POLN: variants seen among roughly 807,000 people sequenced by gnomAD.
POLN encodes DNA polymerase nu.
A neutral mutation model predicts 113.5 loss-of-function variants in POLN; 108 were observed. The ratio of observed to expected loss-of-function variants is 0.95; its 90% confidence interval spans 0.81 to 1.12. The LOEUF (loss-of-function observed/expected upper bound fraction) is 1.12, where lower values mean the gene tolerates loss of function less well. POLN is among the 50% of genes most tolerant of loss of function. POLN has a pLI of 0.00. For missense variants in POLN, 1,097 were observed against 1,077.1 expected, an observed-to-expected ratio of 1.02 and a Z score of -0.26; for synonymous variants, 386 against 391.5, an observed-to-expected ratio of 0.99 and a Z score of 0.17.
chr4:2,193,772 T>C (rs1733511752), intron 6 of POLN, among the ~76,000 whole-genome samples: 1 of 152,218 alleles, frequency 6.6e-6, no homozygotes, highest in African/African-American at 2.4e-5. Flanking sequence ...ACTGTATTCT[T>C]GACTACAATT....
intron 7 of POLN, among the ~76,000 whole-genome samples, chr4:2,185,566 T>C (rs1055451948): frequency 3.3e-5 from 5 of 152,108 alleles, no homozygotes; most frequent in African/African-American, 1.2e-4. Context: ...GCCAACATGG[T>C]GAAACCCCTC....
intron 17 of POLN, among the ~76,000 whole-genome samples, chr4:2,129,812 C>T (rs377238762): frequency 6.6e-6 from 1 of 152,132 alleles, no homozygotes; most frequent in Non-Finnish European, 1.5e-5. Context: ...ACGTTGACAA[C>T]CAAATGCATT....
chr4:2,189,281 A>C (rs1393245566), intron 7 of POLN, among the ~76,000 whole-genome samples: 2 of 152,236 alleles, frequency 1.3e-5, no homozygotes, highest in Admixed American at 6.5e-5. Context: ...CTAGAAACCC[A>C]CTTTACTTAT....
intron 7 of POLN, among the ~76,000 whole-genome samples, chr4:2,190,073 T>C (rs1413588864): frequency 6.7e-6 from 1 of 148,254 alleles, no homozygotes; most frequent in African/African-American, 2.5e-5. Flanking sequence ...AAAATCTGTA[T>C]GGAACCAAAC....
chr4:2,126,594 C>T lies in POLN; in HGVS notation c.1982+1519G>A, dbSNP rs364228. On this transcript the variant is annotated intron_variant, in intron 19 of 25. Transcript: ENST00000511885. This position sits in a 1 kb window ranked among gnomAD's most constrained non-coding sequence, Gnocchi z 4.6. ...GAGAGGAGCGGAGACCAGAGAGAAG[C>T]GGAGACCAGAGAGGAGTGGAGACCA... is the stretch of plus-strand genomic sequence containing the variant. Among the ~76,000 whole-genome samples the T allele has an allele frequency of 1.3e-5, 2 of 151,698 alleles. No individual in the cohort carries two copies. The highest frequency in any genetic ancestry group is 2.1e-4 in the South Asian group (1 of 4,794).
chr4:2,139,092 T>C (rs1263335616), intron 16 of POLN, among the ~76,000 whole-genome samples: 1 of 151,252 alleles, frequency 6.6e-6, no homozygotes, highest in Admixed American at 6.6e-5. Context: ...CCACAACAAA[T>C]GGGCAGAGGG....
intron 4 of POLN, among the ~76,000 whole-genome samples, chr4:2,210,627 TAATAAA>T (rs200288199): frequency 0.1 from 11,469 of 109,986 alleles, 632 homozygotes; most frequent in African/African-American, 0.22. Flanking sequence ...ATAATAATAA[TAATAAA>T]AAAAAGAGGC....
rs746291995 is a variant in POLN, at chr4:2,157,811, C to A, written c.1665+47G>T. 1.1e-5 allele frequency: 15 copies of A among 1,328,882 alleles called. No individual in the cohort carries two copies. In the African/African-American group the frequency reaches 2.3e-4, roughly 20 times the overall value. The allele number at this position is 1,328,882 out of a possible 1,614,324, so 82.3% of individuals were successfully genotyped here. On this transcript the variant is annotated intron_variant, in intron 15 of 25. Transcript: ENST00000511885. Reference sequence around the variant, plus strand: ...GGTTCTATATGTATCTGAACTCATACAAAAACCACAGTCCTAATCACAGTA... The same window carrying A: ...GGTTCTATATGTATCTGAACTCATAAAAAAACCACAGTCCTAATCACAGTA...
chr4:2,094,075 G>A (rs934618789), intron 20 of POLN, among the ~76,000 whole-genome samples: 3 of 152,246 alleles, frequency 2.0e-5, no homozygotes, highest in Admixed American at 1.3e-4. Context: ...AGCCAGGTGC[G>A]GTGGCTCATG....
rs1325463155 is a variant in POLN at position 2,159,113 on chromosome 4, C to T, written c.1611+42G>A. ...CAGACACAGGGCCATATGGTTCCCC[C>T]TCATCACCTTTTACCTTTTACGTAC... On this transcript the variant is annotated intron_variant, in intron 14 of 25. Coordinates refer to ENST00000511885, the MANE Select transcript of POLN (RefSeq NM_181808.4). 6 of 1,438,956 alleles carry T rather than the reference C, an allele frequency of 4.2e-6. No individual in the cohort carries two copies. The South Asian group carries it at 4.6e-5, about 11-fold the overall frequency. The allele number at this position is 1,438,956 out of a possible 1,614,324, so 89.1% of individuals were successfully genotyped here.
At chr4:2,096,686 AAGAGAGAGAGAGAGAGAGAG>A (rs750844060) in intron 19 of POLN, among the ~76,000 whole-genome samples, 13 of 129,894 alleles carry the variant, frequency 1.0e-4, no homozygotes, top group South Asian at 5.7e-4. Context: ...AGCCGAGAGA[AAGAGAGAGAGAGAGAGAGAG>A]AGAGAGAGAG....
intron 2 of POLN, chr4:2,238,601 T>C: frequency 2.6e-6 from 4 of 1,546,878 alleles, no homozygotes; most frequent in Non-Finnish European, 2.6e-6. Context: ...GAAGCATACG[T>C]ACCTATGAGT....
At chr4:2,230,590 A>G (rs1390780733) in intron 2 of POLN, 2 of 152,070 alleles carry the variant, frequency 1.3e-5, no homozygotes, top group Admixed American at 1.3e-4. Context: ...TAATTGGCAA[A>G]ATATTTTTGT....
intron 7 of POLN, among the ~76,000 whole-genome samples, chr4:2,185,518 G>A (rs1733248799): frequency 6.6e-6 from 1 of 152,198 alleles, no homozygotes; most frequent in African/African-American, 2.4e-5. Flanking sequence ...GGCCGAGGCA[G>A]GCAGATTACT....
chr4:2,084,258 T>G (rs1483276764), intron 21 of POLN, among the ~76,000 whole-genome samples: 2 of 152,256 alleles, frequency 1.3e-5, no homozygotes, highest in Non-Finnish European at 2.9e-5. Flanking sequence ...GAGTGTCACG[T>G]ATGGTCTGGG....
intron 19 of POLN, among the ~76,000 whole-genome samples, chr4:2,110,139 C>A (rs892711675): frequency 5.3e-5 from 8 of 152,214 alleles, no homozygotes; most frequent in Admixed American, 2.0e-4. Flanking sequence ...CTGAATGACT[C>A]CTGGGTACAT....
intron 16 of POLN, among the ~76,000 whole-genome samples, chr4:2,142,823 T>C (rs1732036321): frequency 6.6e-6 from 1 of 152,102 alleles, no homozygotes; most frequent in Non-Finnish European, 1.5e-5. Flanking sequence ...TTGTGGTTTT[T>C]TTTTAATCCC....
At chr4:2,238,673 G>A in intron 2 of POLN, 2 of 1,613,142 alleles carry the variant, frequency 1.2e-6, no homozygotes, top group Non-Finnish European at 1.7e-6. Flanking sequence ...TGATGGATCT[G>A]TTAACATTTC....
chr4:2,227,504 C>T (rs1734428169), intron 3 of POLN: 1 of 152,144 alleles, frequency 6.6e-6, no homozygotes, highest in Non-Finnish European at 1.5e-5. Context: ...TAATGTTATA[C>T]AGCAATAGAA....
Sources: allele counts gnomAD v4.1 joint callset (sites outside exome capture counted in the v4.1 genomes callset), GRCh38; gene constraint gnomAD v4.1.1; non-coding constraint Gnocchi (gnomAD v3.1); transcripts MANE v1.5; gene names NCBI Gene and HGNC (gene_info 2026-07-23, HGNC 2026-07-21).